Variants in CPA5 observed in about 807,000 individuals in gnomAD.
The protein encoded by CPA5 is testicular tissue protein Li 32.
Under a neutral mutation model 52.2 loss-of-function variants are expected in CPA5, and 38 were observed. The ratio of observed to expected loss-of-function variants is 0.73; its 90% confidence interval spans 0.56 to 0.95. The LOEUF is 0.95. Ranked by LOEUF, CPA5 falls within the 40% of genes least tolerant of loss-of-function variation. The pLI is 0.00. For missense variants in CPA5, 519 were observed against 566.7 expected (o/e 0.92, Z 0.86); for synonymous variants, 198 against 213.7 (o/e 0.93, Z 0.64).
chr7:130,372,560 A>G (rs1468874929), downstream of CPA5, among the ~76,000 whole-genome samples: 2 of 151,976 alleles, frequency 1.3e-5, no homozygotes. Context: ...TGGCTGCTCT[A>G]CCTCCCTTGT....
In CPA5 at chr7:130,363,567, G is replaced by T. The variant is rs967668124; in HGVS notation, c.838+58G>T. The T allele has an allele frequency of 2.9e-6, 4 of 1,380,606 alleles. No homozygotes were observed. In the Admixed American group the frequency reaches 5.9e-5, roughly 20 times the overall value. The allele number at this position is 1,380,606 out of a possible 1,614,324, so 85.5% of individuals were successfully genotyped here. On this transcript the variant is annotated intron_variant, in intron 10 of 12. Transcript: ENST00000474905. ...GAGAAGAGGTGTTGGCCCATGGCAG[G>T]TTCTCCCACTCAGTCAGATTATGTT...
intron 6 of CPA5, 122 bp downstream of exon 6, chr7:130,359,809 G>A (rs1371022879): frequency 4.6e-6 from 3 of 654,786 alleles, no homozygotes; most frequent in Non-Finnish European, 8.2e-6. Flanking sequence ...TGACACTTAG[G>A]GACTGTACAG....
downstream of CPA5, among the ~76,000 whole-genome samples, chr7:130,371,142 C>T (rs1796291055): frequency 6.6e-6 from 1 of 152,196 alleles, no homozygotes; most frequent in Non-Finnish European, 1.5e-5. Flanking sequence ...ATTTGAATGC[C>T]AAATTGGACA....
intron 4 of CPA5, 37 bp from the exon 5 acceptor site, chr7:130,349,938 G>T: frequency 6.3e-7 from 1 of 1,598,890 alleles, no homozygotes; most frequent in South Asian, 1.1e-5. Flanking sequence ...GAAGGACATG[G>T]AGTAATGCAG....
At chr7:130,363,372 T>C (rs782351178) in intron 9 of CPA5, 47 bp from the exon 10 acceptor site, 4 of 1,491,662 alleles carry the variant, frequency 2.7e-6, no homozygotes, top group Non-Finnish European at 3.7e-6. Flanking sequence ...CTCCCATCCC[T>C]GGGAATGGGC....
chr7:130,359,954 G>A (rs772946056), intron 6 of CPA5, among the ~76,000 whole-genome samples: 26 of 152,162 alleles, frequency 1.7e-4, no homozygotes, highest in Non-Finnish European at 2.8e-4. Context: ...GGTCTACTAG[G>A]CAGAACACTA....
chr7:130,346,168 T>C (rs1794723306), intron 2 of CPA5, among the ~76,000 whole-genome samples: 2 of 152,206 alleles, frequency 1.3e-5, no homozygotes, highest in South Asian at 2.1e-4. Context: ...CTGGCTACTT[T>C]GGTCTTTCTC....
chr7:130,372,980 C>T (rs1004627964), downstream of CPA5, among the ~76,000 whole-genome samples: 7 of 152,294 alleles, frequency 4.6e-5, no homozygotes, highest in East Asian at 1.9e-4. Context: ...AAGATTTGCA[C>T]GAGGCCCCAC....
intron 3 of CPA5, among the ~76,000 whole-genome samples, chr7:130,347,001 C>T (rs1470430042): frequency 2.0e-5 from 3 of 152,156 alleles, no homozygotes; most frequent in Admixed American, 6.6e-5. Context: ...CGTTCTCCTT[C>T]GAATGACAGG....
intron 4 of CPA5, among the ~76,000 whole-genome samples, chr7:130,349,509 C>T (rs982552217): frequency 1.2e-4 from 18 of 151,998 alleles, no homozygotes; most frequent in African/African-American, 2.2e-4. Context: ...TTTAATAGCA[C>T]AACAGGGTGA....
downstream of CPA5, among the ~76,000 whole-genome samples, chr7:130,372,153 G>A (rs1345517231): frequency 3.3e-5 from 5 of 152,136 alleles, no homozygotes; most frequent in African/African-American, 9.7e-5. Context: ...ATTTCCTTCA[G>A]AGCAATGCAA....
rs558897815 is a variant in CPA5, at chr7:130,364,444, C to T, written c.838+935C>T. ...CTGACTTCAGGTGATCCACTCACCT[C>T]GGCCTCCCAAAATGCTGGAATTACA... On this transcript the variant is annotated intron_variant, in intron 10 of 12. Transcript: ENST00000474905. 1.0e-3 allele frequency among the ~76,000 whole-genome samples: 158 copies of T among 152,330 alleles called. 1 individual carries two copies. Among genetic ancestry groups the T allele is most frequent in the Admixed American group, 3.2e-3 (49 of 15,306 alleles).
chr7:130,363,732 A>G (rs545187274), intron 10 of CPA5, among the ~76,000 whole-genome samples: 54 of 152,188 alleles, frequency 3.5e-4, no homozygotes, highest in Non-Finnish European at 7.4e-4. Context: ...CACATGTGCC[A>G]AACCTTCACG....
intron 6 of CPA5, 144 bp from the exon 7 acceptor site, chr7:130,360,999 T>C: frequency 3.3e-6 from 2 of 601,902 alleles, no homozygotes; most frequent in Admixed American, 3.0e-5. Flanking sequence ...CAATTCTTTA[T>C]CTGGGTTCTT....
the CPA5 span, among the ~76,000 whole-genome samples, chr7:130,374,220 C>T: frequency 2.6e-5 from 4 of 152,086 alleles, no homozygotes; most frequent in African/African-American, 9.7e-5. Context: ...GGCCTGCCGG[C>T]GTGGGACAGG....
At chr7:130,363,601 TTGGGAGGCA>T (rs1554407463) in intron 10 of CPA5, 92 bp downstream of exon 10, 1 of 1,069,194 alleles carries the variant, frequency 9.4e-7, no homozygotes, top group African/African-American at 1.6e-5. Flanking sequence ...TTGACTCAAC[TTGGGAGGCA>T]TGGGACAATG....
At position 130,367,380 on chromosome 7, in the gene CPA5, T is replaced by A. The variant is rs782663789; in HGVS notation, c.847T>A (p.Ser283Thr). The A allele has an allele frequency of 1.2e-5, 20 of 1,614,050 alleles. No individual in the cohort carries two copies. The highest frequency in any genetic ancestry group is 1.4e-5 in the Non-Finnish European group (16 of 1,180,016). The change falls in exon 11 of 13, where the codon TCT (serine) becomes ACT (threonine). Residue 283 changes from serine to threonine, a missense_variant. Transcript: ENST00000474905. The stretch of plus-strand genomic sequence containing the variant: ...CTTTATTTTACTTCCAGGAAATGGT[T>A]CTAACAGCAACCCCTGCTCAGAAAC... ...NWKSGFGGNG[S>T]NSNPCSETYH...
chr7:130,354,817 A>T (rs1795379626), intron 5 of CPA5, among the ~76,000 whole-genome samples: 1 of 150,938 alleles, frequency 6.6e-6, no homozygotes, highest in Admixed American at 6.6e-5. Flanking sequence ...GCAGCCTTGA[A>T]CGCCTGGGCT....
intron 5 of CPA5, among the ~76,000 whole-genome samples, chr7:130,358,938 A>G (rs770941923): frequency 2.0e-4 from 30 of 152,310 alleles, no homozygotes; most frequent in Non-Finnish European, 3.2e-4. Flanking sequence ...GCTCATCAAG[A>G]CTTGTGTTTA....
Sources: allele counts gnomAD v4.1 joint callset (sites outside exome capture counted in the v4.1 genomes callset), GRCh38; gene constraint gnomAD v4.1.1; transcripts MANE v1.5; gene names NCBI Gene and HGNC (gene_info 2026-07-23, HGNC 2026-07-21).